Variants in DAB1 observed in about 807,000 individuals in gnomAD.
DAB1 encodes disabled homolog 1.
In DAB1, 15 loss-of-function variants were observed where a neutral mutation model predicts 64.6. That is an observed-to-expected ratio of 0.23 (90% CI 0.16 to 0.36). The LOEUF is 0.36. Ranked by LOEUF, DAB1 falls within the 10% of genes least tolerant of loss-of-function variation. The probability of loss-of-function intolerance (pLI) is 1.00; values close to 1 mark genes in which losing one functional copy is unlikely to be tolerated. For missense variants in DAB1, 596 were observed against 706.7 expected, an observed-to-expected ratio of 0.84 and a Z score of 1.78; for synonymous variants, 235 against 251.9, an observed-to-expected ratio of 0.93 and a Z score of 0.64.
intron 1 of DAB1, chr1:58,538,667 C>A (rs990858804): frequency 1.8e-4 from 90 of 508,808 alleles, no homozygotes; most frequent in Non-Finnish European, 2.8e-4. Flanking sequence ...GACAGGGGAT[C>A]TGGCAAGGTT....
chr1:57,771,045 GT>G (rs1369849444), intron 6 of DAB1, among the ~76,000 whole-genome samples: 13 of 152,184 alleles, frequency 8.5e-5, no homozygotes, highest in African/African-American at 1.2e-4. Context: ...GAGAGGCGAA[GT>G]AAGTCGAAGC....
At chr1:58,091,147 G>A (rs756276461) in intron 5 of DAB1, among the ~76,000 whole-genome samples, 13 of 152,130 alleles carry the variant, frequency 8.5e-5, no homozygotes, top group Non-Finnish European at 1.8e-4. Context: ...TTCTAAATTC[G>A]GAGTGGGAGA....
At chr1:57,889,895 G>T (rs925025521) in intron 5 of DAB1, among the ~76,000 whole-genome samples, 2 of 105,688 alleles carry the variant, frequency 1.9e-5, no homozygotes, top group Admixed American at 9.8e-5. Context: ...AGCACAAACT[G>T]GGGCGGGGGG....
chr1:57,522,581 G>T (rs1644541531), intron 7 of DAB1, among the ~76,000 whole-genome samples: 1 of 152,306 alleles, frequency 6.6e-6, no homozygotes, highest in African/African-American at 2.4e-5. Context: ...TGGAGACAAA[G>T]GAGGAGCAAA....
intron 2 of DAB1, among the ~76,000 whole-genome samples, chr1:57,190,337 A>C (rs1391476328): frequency 6.6e-6 from 1 of 152,168 alleles, no homozygotes; most frequent in Non-Finnish European, 1.5e-5. Context: ...AAGTGTTGGC[A>C]CCTTATAAAG....
At chr1:58,495,424 A>T (rs1645783115) in intron 3 of DAB1, among the ~76,000 whole-genome samples, 1 of 152,170 alleles carries the variant, frequency 6.6e-6, no homozygotes, top group Non-Finnish European at 1.5e-5. Context: ...TATAATAATA[A>T]TAATAATACA....
chr1:58,181,695 G>T (rs1229258976), intron 4 of DAB1, among the ~76,000 whole-genome samples: 1 of 150,858 alleles, frequency 6.6e-6, no homozygotes, highest in African/African-American at 2.5e-5. Flanking sequence ...ATAAAATATG[G>T]AAATTTTGTT....
chr1:57,855,963 A>G (rs1413422028), intron 1 of DAB1, among the ~76,000 whole-genome samples: 1 of 152,208 alleles, frequency 6.6e-6, no homozygotes, highest in Non-Finnish European at 1.5e-5. Flanking sequence ...GGATGTGAAG[A>G]GGGAAGAATC....
At chr1:57,564,575 G>A (rs570885083) in intron 7 of DAB1, among the ~76,000 whole-genome samples, 62 of 152,302 alleles carry the variant, frequency 4.1e-4, no homozygotes, top group East Asian at 1.9e-3. Context: ...AACCAGTGTA[G>A]AGAAGTCCTT....
At chr1:57,838,688 G>A (rs187453420) in intron 1 of DAB1, among the ~76,000 whole-genome samples, 1 of 151,946 alleles carries the variant, frequency 6.6e-6, no homozygotes, top group East Asian at 1.9e-4. Context: ...CTGTGTCTCA[G>A]GCTTCTCATT....
chr1:57,499,884 G>A (rs1644271195), intron 7 of DAB1, among the ~76,000 whole-genome samples: 1 of 152,190 alleles, frequency 6.6e-6, no homozygotes, highest in Non-Finnish European at 1.5e-5. Context: ...CTGCTTTGAA[G>A]GAAGGAGGCG....
At chr1:58,009,706 T>C (rs565130112) in intron 5 of DAB1, among the ~76,000 whole-genome samples, 1 of 152,326 alleles carries the variant, frequency 6.6e-6, no homozygotes, top group South Asian at 2.1e-4. Flanking sequence ...AGGTGTGTGT[T>C]CTACTTATCT....
intron 1 of DAB1, among the ~76,000 whole-genome samples, chr1:57,414,719 A>G (rs946547281): frequency 1.3e-5 from 2 of 152,226 alleles, no homozygotes; most frequent in Non-Finnish European, 2.9e-5. Flanking sequence ...GAAAATTAAT[A>G]TATAGCTAGA....
intron 3 of DAB1, among the ~76,000 whole-genome samples, chr1:58,404,333 C>A (rs913408344): frequency 6.6e-6 from 1 of 152,162 alleles, no homozygotes; most frequent in African/African-American, 2.4e-5. Flanking sequence ...GCAGATGAAT[C>A]CTTGTCGAAA....
chr1:57,726,780 C>T (rs1647217222), intron 6 of DAB1, among the ~76,000 whole-genome samples: 1 of 152,174 alleles, frequency 6.6e-6, no homozygotes, highest in African/African-American at 2.4e-5. Flanking sequence ...AAAGTGACAG[C>T]ATCAGTATTT....
chr1:57,378,338 C>T (rs1046328729), intron 1 of DAB1, among the ~76,000 whole-genome samples: 2 of 152,120 alleles, frequency 1.3e-5, no homozygotes, highest in Non-Finnish European at 2.9e-5. Flanking sequence ...AATATTCTGC[C>T]CCTGTCTAAA....
intron 5 of DAB1, among the ~76,000 whole-genome samples, chr1:57,912,683 T>C (rs1644664302): frequency 6.6e-6 from 1 of 152,142 alleles, no homozygotes; most frequent in Non-Finnish European, 1.5e-5. Flanking sequence ...TGATTGTATA[T>C]CTAGAAAGCC....
intron 7 of DAB1, among the ~76,000 whole-genome samples, chr1:57,550,935 T>C (rs1189997876): frequency 6.6e-6 from 1 of 152,190 alleles, no homozygotes; most frequent in African/African-American, 2.4e-5. Flanking sequence ...ATACAGTAAT[T>C]AGTTCATAGA....
intron 5 of DAB1, among the ~76,000 whole-genome samples, chr1:58,072,751 A>C (rs913213418): frequency 6.6e-6 from 1 of 152,372 alleles, no homozygotes; most frequent in East Asian, 1.9e-4. Context: ...AATTTAGACA[A>C]GAACAATAAA....
Sources: gnomAD v4.1 joint callset for allele counts (sites outside exome capture counted in the v4.1 genomes callset) on GRCh38, gnomAD v4.1.1 for gene constraint, MANE v1.5 for transcripts, NCBI Gene and HGNC (gene_info 2026-07-23, HGNC 2026-07-21) for gene names.